The following SPON2 variants were observed in gnomAD, a reference collection of about 807,000 sequenced individuals.
The protein encoded by SPON2 is spondin-2.
Under a neutral mutation model 29.9 loss-of-function variants are expected in SPON2, and 32 were observed. The observed-to-expected ratio is 1.07, with a 90% CI of 0.81 to 1.44. The LOEUF (loss-of-function observed/expected upper bound fraction) is 1.44. SPON2 is among the 40% of genes most tolerant of loss of function. SPON2 has a pLI of 0.00. For synonymous variants in SPON2, 248 were observed against 209.1 expected, an observed-to-expected ratio of 1.19 and a Z score of -1.61; for missense variants, 541 against 455.5, an observed-to-expected ratio of 1.19 and a Z score of -1.71.
rs762162495 is a variant in SPON2, at chr4:1,171,143, G to T, written c.492C>A (p.Gly164=). ...CGTCGCACAGGTCCAGGCTGTCCAC[G>T]CCCACGAACCAGTCGGGGCTGGGCA... is the stretch of plus-strand genomic sequence containing the variant. ...RIVPSPDWFV[G]VDSLDLCDGD... is the part of the protein sequence containing the mutation. Residue 164 remains glycine (G), a synonymous_variant, in exon 4 of 6, where the codon GGC becomes GGA. Coordinates refer to ENST00000290902, the MANE Select transcript of SPON2 (RefSeq NM_012445.4). The T allele has an allele frequency of 2.1e-5, 33 of 1,553,708 alleles. No homozygotes were observed. Among genetic ancestry groups the T allele is most frequent in the Non-Finnish European group, 2.7e-5 (31 of 1,149,280 alleles).
chr4:1,181,848 A>C (rs754672480), intron 1 of SPON2, among the ~76,000 whole-genome samples: 2 of 152,308 alleles, frequency 1.3e-5, no homozygotes, highest in South Asian at 4.1e-4. Flanking sequence ...GCAGGTGCCT[A>C]TTGTTTCACC....
chr4:1,208,567 G>C, upstream of SPON2: 1 of 152,366 alleles, frequency 6.6e-6, no homozygotes, highest in East Asian at 1.9e-4. Context: ...TCTTGCCTCT[G>C]AGCCCTACCC....
intron 1 of SPON2, among the ~76,000 whole-genome samples, chr4:1,189,515 T>A (rs980488835): frequency 6.6e-6 from 1 of 150,420 alleles, no homozygotes; most frequent in African/African-American, 2.4e-5. Flanking sequence ...TAGCTGGGTG[T>A]GGTGGCACGC....
chr4:1,207,307 C>A lies in SPON2; in HGVS notation c.-234+573G>T, dbSNP rs142103686. The stretch of plus-strand genomic sequence containing the variant: ...TCCGGCTGCTCGACACCCTCCGTCC[C>A]ACCAGTGTCCACAGCCCTGGCCCCG... On this transcript the variant is annotated intron_variant, in intron 1 of 3. Transcript: ENST00000509233. Among the ~76,000 whole-genome samples the A allele has an allele frequency of 6.2e-3, 950 of 152,274 alleles. 10 individuals are homozygous for A. The highest frequency in any genetic ancestry group is 0.02 in the African/African-American group (839 of 41,550).
At chr4:1,184,861 C>G (rs1361664193) in intron 1 of SPON2, among the ~76,000 whole-genome samples, 1 of 149,290 alleles carries the variant, frequency 6.7e-6, no homozygotes, top group Non-Finnish European at 1.5e-5. Flanking sequence ...CACTTGAACC[C>G]AGGAAGCGGA....
chr4:1,207,097 C>T (rs1260051833), intron 1 of SPON2, among the ~76,000 whole-genome samples: 1 of 152,000 alleles, frequency 6.6e-6, no homozygotes, highest in East Asian at 1.9e-4. Flanking sequence ...CAGGGCAGTG[C>T]CCGGGAGGCA....
upstream of SPON2, among the ~76,000 whole-genome samples, chr4:1,176,760 C>T (rs1727608842): frequency 6.6e-6 from 1 of 151,168 alleles, no homozygotes; most frequent in African/African-American, 2.5e-5. Flanking sequence ...CTAATTCACT[C>T]ACACAGTACA....
At chr4:1,183,286 T>C (rs910614601) in intron 1 of SPON2, among the ~76,000 whole-genome samples, 1 of 151,472 alleles carries the variant, frequency 6.6e-6, no homozygotes, top group Non-Finnish European at 1.5e-5. Flanking sequence ...AATAAAACTT[T>C]AAACAATGAA....
chr4:1,206,732 A>AG (rs1728350933), intron 1 of SPON2, among the ~76,000 whole-genome samples: 1 of 152,166 alleles, frequency 6.6e-6, no homozygotes, highest in Non-Finnish European at 1.5e-5. Context: ...GGTCTCCCTC[A>AG]GGGGGCAGAA....
Position 1,202,351 on chromosome 4 carries a change from A to T in SPON2, c.-234+5529T>A, listed in dbSNP as rs577278286. Among the ~76,000 whole-genome samples, 1 of 152,258 alleles carries T rather than the reference A, an allele frequency of 6.6e-6. No homozygotes were observed. The highest frequency in any genetic ancestry group is 1.9e-4 in the East Asian group (1 of 5,176). ...ATCAGTCCCCACCTCCCGGCACTCC[A>T]CGGGGTCTAAGTTTCAGCCTGAGCT... On this transcript the variant is annotated intron_variant, in intron 1 of 3. Transcript: ENST00000509233. The surrounding 1 kb of genome is among the most constrained non-coding windows in gnomAD (Gnocchi z 5.4).
Position 1,202,579 on chromosome 4 carries a change from C to G in SPON2, c.-234+5301G>C, listed in dbSNP as rs977475746. Among the ~76,000 whole-genome samples, 1 of 152,046 alleles carries G rather than the reference C, an allele frequency of 6.6e-6. No homozygotes were observed. The highest frequency in any genetic ancestry group is 2.4e-5 in the African/African-American group (1 of 41,396). On this transcript the variant is annotated intron_variant, in intron 1 of 3. Coordinates refer to the SPON2 transcript ENST00000509233. This position sits in a 1 kb window ranked among gnomAD's most constrained non-coding sequence, Gnocchi z 5.4. Reference sequence around the variant, plus strand: ...GCCCCCACGGCTTCTGTGGGCTCAGCCCACTCAGTGCTCATGGGTCGGAGT... The same window carrying G: ...GCCCCCACGGCTTCTGTGGGCTCAGGCCACTCAGTGCTCATGGGTCGGAGT...
At chr4:1,178,204 C>T (rs927215716), upstream of SPON2, among the ~76,000 whole-genome samples, 3 of 150,308 alleles carry the variant, frequency 2.0e-5, no homozygotes, top group Admixed American at 6.6e-5. Flanking sequence ...GGCCTCCCTC[C>T]GGCCAGGCAC....
intron 1 of SPON2, among the ~76,000 whole-genome samples, chr4:1,201,808 C>T (rs1281699111): frequency 2.0e-5 from 3 of 152,132 alleles, no homozygotes; most frequent in Non-Finnish European, 4.4e-5. Context: ...TGGTCTCGAT[C>T]TCCTGACCTC....
At chr4:1,198,112 T>TAA (rs573777732), upstream of SPON2, among the ~76,000 whole-genome samples, 1 of 144,944 alleles carries the variant, frequency 6.9e-6, no homozygotes, top group African/African-American at 2.6e-5. Flanking sequence ...TACATTGAAA[T>TAA]AAAAAAACCC....
At chr4:1,194,853 C>G (rs1728007926) in intron 1 of SPON2, 1 of 137,144 alleles carries the variant, frequency 7.3e-6, no homozygotes, top group Admixed American at 7.0e-5. Flanking sequence ...CCGCAGCCAG[C>G]AGAGGCCTCA....
upstream of SPON2, among the ~76,000 whole-genome samples, chr4:1,198,229 G>A (rs535384707): frequency 3.3e-5 from 5 of 152,338 alleles, no homozygotes; most frequent in South Asian, 1.0e-3. Flanking sequence ...CAGCCATGTT[G>A]TCGTGGGTGT....
At chr4:1,168,826 G>A (rs980961010) in intron 5 of SPON2, among the ~76,000 whole-genome samples, 2 of 152,336 alleles carry the variant, frequency 1.3e-5, no homozygotes, top group Middle Eastern at 3.4e-3. Context: ...TCCAGCGTGT[G>A]AGCAGGAAGC....
chr4:1,203,019 G>A (rs1728251241), intron 1 of SPON2, among the ~76,000 whole-genome samples: 1 of 152,158 alleles, frequency 6.6e-6, no homozygotes, highest in African/African-American at 2.4e-5. Flanking sequence ...TGTCCTCAGG[G>A]CCCTTATAAA....
At chr4:1,172,126 G>C in intron 1 of SPON2, 52 bp from the exon 2 acceptor site, 6 of 1,535,116 alleles carry the variant, frequency 3.9e-6, no homozygotes, top group Non-Finnish European at 5.3e-6. Context: ...TGGCAGCCTC[G>C]GGGTGGAAAG....
Sources: gnomAD v4.1 joint callset for allele counts (sites outside exome capture counted in the v4.1 genomes callset) on GRCh38, gnomAD v4.1.1 for gene constraint, Gnocchi (gnomAD v3.1) non-coding constraint, MANE v1.5 for transcripts, NCBI Gene and HGNC (gene_info 2026-07-23, HGNC 2026-07-21) for gene names.